FBXO42: variants seen among roughly 807,000 people sequenced by gnomAD.
FBXO42 encodes F-box only protein 42.
FBXO42 carries 12 observed loss-of-function variants against 71.7 expected under a neutral mutation model. The ratio of observed to expected loss-of-function variants is 0.17; its 90% CI spans 0.11 to 0.27. FBXO42 has a LOEUF of 0.27. Ranked by LOEUF, FBXO42 falls within the 10% of genes least tolerant of loss-of-function variation. The probability of loss-of-function intolerance (pLI) is 1.00; values close to 1 mark genes in which losing one functional copy is unlikely to be tolerated. For synonymous variants in FBXO42, 325 were observed against 327.5 expected (o/e 0.99, Z 0.08); for missense variants, 707 against 911.9 (o/e 0.78, Z 2.89).
chr1:16,346,373 T>G (rs930286042), intron 1 of FBXO42, among the ~76,000 whole-genome samples: 3 of 152,102 alleles, frequency 2.0e-5, no homozygotes, highest in Non-Finnish European at 4.4e-5. Context: ...TTAAATGAAC[T>G]ACTTCAAATC....
intron 1 of FBXO42, among the ~76,000 whole-genome samples, chr1:16,346,546 G>A (rs1486728539): frequency 6.6e-6 from 1 of 151,644 alleles, no homozygotes; most frequent in Non-Finnish European, 1.5e-5. Context: ...AAATTAGCTG[G>A]GCGTGGTGGT....
intron 2 of FBXO42, among the ~76,000 whole-genome samples, chr1:16,314,832 C>A (rs767820468): frequency 3.3e-5 from 5 of 150,654 alleles, no homozygotes; most frequent in East Asian, 1.9e-4. Flanking sequence ...TGCAGTGAGC[C>A]GAGATTGCGC....
chr1:16,296,017 C>T (rs1165130849), intron 3 of FBXO42, among the ~76,000 whole-genome samples: 1 of 152,206 alleles, frequency 6.6e-6, no homozygotes, highest in Non-Finnish European at 1.5e-5. Flanking sequence ...ATACACATCA[C>T]CAGGCATTCC....
intron 7 of FBXO42, 170 bp from the exon 8 acceptor site, chr1:16,253,322 A>AT: frequency 1.6e-6 from 1 of 614,920 alleles, no homozygotes. Context: ...CTGTGAATAA[A>AT]TTACTGATAA....
Position 16,252,516 on chromosome 1 carries a change from C to T in FBXO42, c.922-112G>A. ...CTGTCTGGTCTTGAAAGGATGTGGA[C>T]TCTTCAGAAGGATAGCAAAATCCTC... On this transcript the variant is annotated intron_variant, in intron 8 of 9. Transcript: ENST00000375592. The surrounding 1 kb of genome is among the most constrained non-coding windows in gnomAD (Gnocchi z 4.4). 2.4e-6 allele frequency: 2 copies of T among 821,562 alleles called. No individual in the cohort carries two copies. Among genetic ancestry groups the T allele is most frequent in the South Asian group, 3.0e-5 (2 of 66,728 alleles). 50.9% of individuals were successfully genotyped at this position (821,562 alleles called of 1,614,324 possible).
intron 4 of FBXO42, among the ~76,000 whole-genome samples, chr1:16,258,489 T>G (rs2081672105): frequency 6.6e-6 from 1 of 151,442 alleles, no homozygotes; most frequent in Non-Finnish European, 1.5e-5. Context: ...CCCAAATAGC[T>G]AGGAATACAG....
rs1400305421 is a variant in FBXO42, at chr1:16,252,335, T to C, written c.991A>G (p.Asn331Asp). The change falls in exon 9 of 10, where the codon AAT (asparagine) becomes GAT (aspartate). Residue 331 changes from asparagine to aspartate, a missense_variant. Asn to Asp is a conservative substitution (Grantham distance 23). Transcript: ENST00000375592. This position sits in a 1 kb window ranked among gnomAD's most constrained non-coding sequence, Gnocchi z 4.4. ...AGTTCTGGGGCCCCATGCTCTTCATTTTCTACCTTGAGTGGCTGCCAGGCC... is the reference window on the plus strand; with the variant it reads ...AGTTCTGGGGCCCCATGCTCTTCATCTTCTACCTTGAGTGGCTGCCAGGCC... ...PWAWQPLKVE[N>D]EEHGAPELWC... 2.5e-6 allele frequency: 4 copies of C among 1,614,216 alleles called. No homozygotes were observed. Among genetic ancestry groups the C allele is most frequent in the South Asian group, 1.1e-5 (1 of 91,086 alleles).
Position 16,249,391 on chromosome 1 carries a change from G to A in FBXO42, c.*1279C>T, listed in dbSNP as rs755955920. On this transcript the variant is annotated 3_prime_UTR_variant, in exon 10 of 10. Transcript: ENST00000375592. ...GAGCTGTTTCTGAGGTCAGCCATGC[G>A]TCAAGAAGTCAAGTACATGATTCTC... The A allele has an allele frequency of 5.3e-5, 8 of 152,132 alleles. No homozygotes were observed. The highest frequency in any genetic ancestry group is 9.7e-5 in the African/African-American group (4 of 41,432). The allele number at this position is 152,132 out of a possible 1,614,324, so 9.4% of individuals were successfully genotyped here.
intron 1 of FBXO42, among the ~76,000 whole-genome samples, chr1:16,331,894 T>C (rs1389440836): frequency 6.6e-6 from 1 of 150,764 alleles, no homozygotes; most frequent in African/African-American, 2.4e-5. Context: ...CTACTAAAAA[T>C]ACAAAATTAG....
chr1:16,255,195 G>C (rs1354874630), intron 6 of FBXO42, among the ~76,000 whole-genome samples: 1 of 152,172 alleles, frequency 6.6e-6, no homozygotes, highest in East Asian at 1.9e-4. Flanking sequence ...ATATGTCAAA[G>C]AGATTCTATA....
chr1:16,316,730 CAAAAAAAAAAAA>C (rs71003274), intron 1 of FBXO42, among the ~76,000 whole-genome samples: 2 of 51,570 alleles, frequency 3.9e-5, no homozygotes, highest in Non-Finnish European at 3.4e-5. Flanking sequence ...GAAAGACTCT[CAAAAAAAAAAAA>C]AAAAAAAAAA....
chr1:16,351,193 A>T (rs1052011273), intron 1 of FBXO42, among the ~76,000 whole-genome samples: 2 of 152,240 alleles, frequency 1.3e-5, no homozygotes, highest in Non-Finnish European at 2.9e-5. Flanking sequence ...TCGCCTCAAC[A>T]ATTCTGCATA....
chr1:16,326,902 T>C (rs1410694906), intron 1 of FBXO42, among the ~76,000 whole-genome samples: 1 of 152,168 alleles, frequency 6.6e-6, no homozygotes, highest in African/African-American at 2.4e-5. Context: ...AGGTCTGCTC[T>C]GAAAACATTC....
At chr1:16,331,448 A>C (rs1365928285) in intron 1 of FBXO42, among the ~76,000 whole-genome samples, 1 of 149,254 alleles carries the variant, frequency 6.7e-6, no homozygotes, top group Non-Finnish European at 1.5e-5. Flanking sequence ...AATAATAATA[A>C]TAATTTAATT....
chr1:16,320,211 A>T (rs2082400389), intron 1 of FBXO42, among the ~76,000 whole-genome samples: 1 of 151,464 alleles, frequency 6.6e-6, no homozygotes, highest in South Asian at 2.1e-4. Flanking sequence ...AATACAAAAA[A>T]CTAGCTGGGC....
rs1280317943 is a variant in FBXO42, at chr1:16,248,673, C to G, written c.*1997G>C. ...TTGCTAGCCTTCTGGCCCAGCTTTC[C>G]CTTGTAAATAAGGACCCCACATGAT... On this transcript the variant is annotated 3_prime_UTR_variant, in exon 10 of 10. Coordinates refer to ENST00000375592, the MANE Select transcript of FBXO42 (RefSeq NM_018994.3). 1 of 152,236 alleles carries G rather than the reference C, an allele frequency of 6.6e-6. No individual in the cohort carries two copies. Among genetic ancestry groups the G allele is most frequent in the Non-Finnish European group, 1.5e-5 (1 of 68,054 alleles). 9.4% of individuals were successfully genotyped at this position (152,236 alleles called of 1,614,324 possible).
chr1:16,272,416 C>T (rs12723303), intron 4 of FBXO42, among the ~76,000 whole-genome samples: 41,425 of 151,710 alleles, frequency 0.27, 6,547 homozygotes, highest in Non-Finnish European at 0.37. Flanking sequence ...TGCACCACCA[C>T]GCCCAGCTAA....
chr1:16,252,430 G>C lies in FBXO42; in HGVS notation c.922-26C>G, dbSNP rs1375501397. ...CTGTAAGAGAAAAAACCAATAACAA[G>C]ACTCAGGTGTGATATGCGTTCCAAA... is the stretch of plus-strand genomic sequence containing the variant. On this transcript the variant is annotated intron_variant, in intron 8 of 9. Coordinates refer to ENST00000375592, the MANE Select transcript of FBXO42 (RefSeq NM_018994.3). The surrounding 1 kb of genome is among the most constrained non-coding windows in gnomAD (Gnocchi z 4.4). 8 of 1,573,414 alleles carry C rather than the reference G, an allele frequency of 5.1e-6. No homozygotes were observed. The Admixed American group carries it at 1.3e-4, about 26-fold the overall frequency.
chr1:16,320,926 T>C (rs1331112933), intron 1 of FBXO42, among the ~76,000 whole-genome samples: 1 of 152,148 alleles, frequency 6.6e-6, no homozygotes, highest in Non-Finnish European at 1.5e-5. Flanking sequence ...TTAAATTAAA[T>C]AGTTGCTCCC....
Sources: allele counts gnomAD v4.1 joint callset (sites outside exome capture counted in the v4.1 genomes callset), GRCh38; gene constraint gnomAD v4.1.1; non-coding constraint Gnocchi (gnomAD v3.1); transcripts MANE v1.5; gene names NCBI Gene and HGNC (gene_info 2026-07-23, HGNC 2026-07-21).